Variants in CPNE4 observed in about 807,000 individuals in gnomAD.
The protein encoded by CPNE4 is copine 4, also known as copine-4.
Under a neutral mutation model 67.9 loss-of-function variants are expected in CPNE4, and 25 were observed. The ratio of observed to expected loss-of-function variants is 0.37; its 90% CI spans 0.27 to 0.51. CPNE4 has a LOEUF of 0.51. Among genes scored for constraint, CPNE4 ranks in the 20% least tolerant of loss-of-function variants. CPNE4 has a pLI of 0.93. For synonymous variants in CPNE4, 242 were observed against 244.9 expected (o/e 0.99, Z 0.11); for missense variants, 464 against 690.8 (o/e 0.67, Z 3.68).
At chr3:131,623,984 C>T (rs1157467495) in intron 7 of CPNE4, among the ~76,000 whole-genome samples, 1 of 152,126 alleles carries the variant, frequency 6.6e-6, no homozygotes. Flanking sequence ...CCTTATTTGT[C>T]ACGGCAGTTG....
chr3:131,646,015 T>A (rs536780833), intron 7 of CPNE4, among the ~76,000 whole-genome samples: 1 of 152,326 alleles, frequency 6.6e-6, no homozygotes, highest in East Asian at 1.9e-4. Context: ...ATGCAGGGGT[T>A]ACTTTGTTCA....
At chr3:131,952,451 C>G (rs1263809503) in intron 1 of CPNE4, among the ~76,000 whole-genome samples, 16 of 150,490 alleles carry the variant, frequency 1.1e-4, no homozygotes, top group Non-Finnish European at 2.4e-4. Flanking sequence ...GCCCAGCAGC[C>G]ACCCCGTCCG....
chr3:131,560,808 A>G (rs1163370304), intron 11 of CPNE4, among the ~76,000 whole-genome samples: 1 of 152,028 alleles, frequency 6.6e-6, no homozygotes, highest in African/African-American at 2.4e-5. Flanking sequence ...AAAGAATTCT[A>G]ATTTCCAGGA....
chr3:131,582,445 T>G (rs1937899625), intron 8 of CPNE4, among the ~76,000 whole-genome samples: 2 of 152,292 alleles, frequency 1.3e-5, no homozygotes, highest in Non-Finnish European at 1.5e-5. Context: ...CACCAACCTA[T>G]GAAAGCTGAA....
intron 2 of CPNE4, among the ~76,000 whole-genome samples, chr3:131,773,617 G>C (rs1365496566): frequency 1.3e-5 from 2 of 151,898 alleles, no homozygotes; most frequent in African/African-American, 2.4e-5. Context: ...CAGAGTGCTG[G>C]GATTACAAGC....
At chr3:131,976,963 G>A (rs866982203) in intron 1 of CPNE4, among the ~76,000 whole-genome samples, 53 of 151,710 alleles carry the variant, frequency 3.5e-4, no homozygotes, top group African/African-American at 1.2e-3. Context: ...CACCATGTCC[G>A]GCTAATTTTT....
chr3:132,024,645 A>C (rs9809632), intron 1 of CPNE4, among the ~76,000 whole-genome samples: 1 of 152,298 alleles, frequency 6.6e-6, no homozygotes, highest in Non-Finnish European at 1.5e-5. Context: ...AATATCCAGA[A>C]GGTCAGGATT....
intron 1 of CPNE4, among the ~76,000 whole-genome samples, chr3:132,022,261 T>C (rs1252620288): frequency 1.3e-5 from 2 of 152,192 alleles, no homozygotes; most frequent in Non-Finnish European, 2.9e-5. Context: ...AAAGGAGTTC[T>C]TAAAAGCAGC....
At chr3:131,536,376 T>G (rs181888107) in intron 15 of CPNE4, among the ~76,000 whole-genome samples, 2 of 152,232 alleles carry the variant, frequency 1.3e-5, no homozygotes, top group Non-Finnish European at 2.9e-5. Context: ...GCATTTAGTA[T>G]TAACTGTACA....
intron 2 of CPNE4, among the ~76,000 whole-genome samples, chr3:131,758,114 T>A (rs2082797627): frequency 6.6e-6 from 1 of 152,162 alleles, no homozygotes; most frequent in African/African-American, 2.4e-5. Flanking sequence ...CACCACCTAG[T>A]GCAGCATTGA....
intron 2 of CPNE4, among the ~76,000 whole-genome samples, chr3:131,879,096 G>A (rs2087567029): frequency 6.6e-6 from 1 of 152,186 alleles, no homozygotes; most frequent in South Asian, 2.1e-4. Context: ...TTAGTGAACT[G>A]AATCTAAAAG....
At chr3:131,936,889 G>A (rs7644796) in intron 1 of CPNE4, among the ~76,000 whole-genome samples, 25,178 of 151,158 alleles carry the variant, frequency 0.17, 2,451 homozygotes, top group African/African-American at 0.28. Flanking sequence ...AGAGACAAAG[G>A]AGAAATTTTA....
At chr3:131,807,575 A>G (rs2084367120) in intron 2 of CPNE4, among the ~76,000 whole-genome samples, 1 of 152,092 alleles carries the variant, frequency 6.6e-6, no homozygotes, top group Non-Finnish European at 1.5e-5. Flanking sequence ...AAACATGTAC[A>G]TTTATTTCTC....
chr3:131,703,652 T>A (rs1204385566), intron 3 of CPNE4, among the ~76,000 whole-genome samples: 1 of 152,226 alleles, frequency 6.6e-6, no homozygotes, highest in African/African-American at 2.4e-5. Context: ...TTCCGAAGTC[T>A]TTCGAAACAG....
At chr3:131,706,689 C>G (rs932231270) in intron 3 of CPNE4, among the ~76,000 whole-genome samples, 9 of 152,202 alleles carry the variant, frequency 5.9e-5, no homozygotes, top group Non-Finnish European at 1.2e-4. Context: ...CTCTTCAAGT[C>G]TGATAAGAAA....
chr3:131,783,006 G>A (rs535778707), intron 2 of CPNE4, among the ~76,000 whole-genome samples: 39 of 152,110 alleles, frequency 2.6e-4, no homozygotes, highest in African/African-American at 8.9e-4. Flanking sequence ...AATCCTGGCT[G>A]GGAGAGAAAA....
chr3:131,717,892 T>C (rs2081756362), intron 3 of CPNE4, among the ~76,000 whole-genome samples: 1 of 83,032 alleles, frequency 1.2e-5, no homozygotes, highest in Admixed American at 1.3e-4. Flanking sequence ...CTTTCTTTCT[T>C]TCTTTCTTTC....
chr3:132,014,145 T>G (rs1294826246), intron 1 of CPNE4, among the ~76,000 whole-genome samples: 1 of 152,086 alleles, frequency 6.6e-6, no homozygotes, highest in Non-Finnish European at 1.5e-5. Flanking sequence ...CAGCTGCCAG[T>G]GAAGAGTCTT....
intron 10 of CPNE4, among the ~76,000 whole-genome samples, chr3:131,567,530 A>G (rs1343724001): frequency 6.6e-6 from 1 of 151,968 alleles, no homozygotes; most frequent in Non-Finnish European, 1.5e-5. Context: ...GCAGAGTGAG[A>G]GTCTCCTTAA....
Sources: allele counts gnomAD v4.1 joint callset (sites outside exome capture counted in the v4.1 genomes callset), GRCh38; gene constraint gnomAD v4.1.1; transcripts MANE v1.5; gene names NCBI Gene and HGNC (gene_info 2026-07-23, HGNC 2026-07-21).